The following SLF1 variants were observed in gnomAD, a reference collection of about 807,000 sequenced individuals.
SLF1 encodes the protein SMC5-SMC6 complex localization factor protein 1.
SLF1 carries 105 observed loss-of-function variants against 123.0 expected under a neutral mutation model. The observed-to-expected ratio is 0.85, with a 90% CI of 0.73 to 1.00. The LOEUF (loss-of-function observed/expected upper bound fraction) is 1.00. Among genes scored for constraint, SLF1 ranks in the 50% least tolerant of loss-of-function variants. The probability of loss-of-function intolerance (pLI) is 0.00; values close to 1 mark genes in which losing one functional copy is unlikely to be tolerated. For missense variants in SLF1, 1,239 were observed against 1,223.0 expected (o/e 1.01, Z -0.20); for synonymous variants, 434 against 406.6 (o/e 1.07, Z -0.81).
intron 12 of SLF1, among the ~76,000 whole-genome samples, chr5:94,668,772 G>A (rs1292751179): frequency 1.3e-5 from 2 of 152,170 alleles, no homozygotes; most frequent in Admixed American, 1.3e-4. Flanking sequence ...GGGCCACCAT[G>A]CTCAGCCATA....
In SLF1 at chr5:94,678,690, AC is replaced by A. The variant is rs1751395825; in HGVS notation, c.1828-117del. ...GTTCTTAAGAATACCTTTAATCATTACATACCCTGTATTTTTAAATAGCTAT... is the reference window on the plus strand; with the variant it reads ...GTTCTTAAGAATACCTTTAATCATTAATACCCTGTATTTTTAAATAGCTAT... On this transcript the variant is annotated intron_variant, in intron 14 of 20. Transcript: ENST00000265140. 19 of 856,746 alleles carry A rather than the reference AC, an allele frequency of 2.2e-5. No individual in the cohort carries two copies. In the South Asian group the frequency reaches 3.6e-4, roughly 16 times the overall value. The allele number at this position is 856,746 out of a possible 1,614,324, so 53.1% of individuals were successfully genotyped here. A position where few individuals can be genotyped will look rare whatever the true frequency, so the allele number is the denominator to read the frequency against.
At chr5:94,664,414 C>T (rs1352848020) in intron 11 of SLF1, among the ~76,000 whole-genome samples, 1 of 152,192 alleles carries the variant, frequency 6.6e-6, no homozygotes, top group Non-Finnish European at 1.5e-5. Context: ...CCTGCTTCAG[C>T]CTCCCAAGTA....
chr5:94,675,775 C>A (rs1438836810), intron 14 of SLF1, among the ~76,000 whole-genome samples: 1 of 151,996 alleles, frequency 6.6e-6, no homozygotes, highest in Non-Finnish European at 1.5e-5. Flanking sequence ...CACTGCAAGA[C>A]CTCTTCTGTT....
chr5:94,664,075 A>G (rs1372976837), intron 11 of SLF1, among the ~76,000 whole-genome samples, 167 bp downstream of exon 11: 1 of 151,984 alleles, frequency 6.6e-6, no homozygotes, highest in Non-Finnish European at 1.5e-5. Context: ...TTTTCCAGCT[A>G]CATACTAGGT....
intron 4 of SLF1, among the ~76,000 whole-genome samples, chr5:94,635,647 C>G (rs1428891708): frequency 6.6e-6 from 1 of 151,840 alleles, no homozygotes; most frequent in Non-Finnish European, 1.5e-5. Context: ...ACATTTTATT[C>G]TTAGACTATG....
intron 15 of SLF1, among the ~76,000 whole-genome samples, chr5:94,685,212 T>C (rs181203654): frequency 6.3e-4 from 96 of 152,350 alleles, no homozygotes; most frequent in Admixed American, 4.7e-3. Context: ...ATTCCACCCC[T>C]GAATAGAGAG....
chr5:94,641,832 A>C (rs1746481601), intron 4 of SLF1, among the ~76,000 whole-genome samples: 1 of 152,156 alleles, frequency 6.6e-6, no homozygotes, highest in South Asian at 2.1e-4. Context: ...CTTCCATGGC[A>C]GCTAAATTCT....
chr5:94,631,211 A>C (rs1745160133), intron 4 of SLF1, among the ~76,000 whole-genome samples: 1 of 150,804 alleles, frequency 6.6e-6, no homozygotes, highest in South Asian at 2.1e-4. Flanking sequence ...GACTGCTGTT[A>C]CTTTTTTTTT....
At chr5:94,641,549 C>T (rs927201135) in intron 4 of SLF1, among the ~76,000 whole-genome samples, 1 of 152,138 alleles carries the variant, frequency 6.6e-6, no homozygotes, top group Non-Finnish European at 1.5e-5. Context: ...GCAGTGGGCT[C>T]CAGTTTCTTT....
chr5:94,631,747 T>A (rs776171020), intron 4 of SLF1, among the ~76,000 whole-genome samples: 18 of 152,168 alleles, frequency 1.2e-4, no homozygotes, highest in Non-Finnish European at 2.5e-4. Context: ...TGTTTTCAGT[T>A]CTCTTGGGAA....
At position 94,635,990 on chromosome 5, in the gene SLF1, AACT is replaced by A. The variant is rs556064213; in HGVS notation, c.431+5251_431+5253del. Among the ~76,000 whole-genome samples, 11 of 152,296 alleles carry A rather than the reference AACT, an allele frequency of 7.2e-5. 1 individual carries two copies. The East Asian group carries it at 2.1e-3, about 29-fold the overall frequency. On this transcript the variant is annotated intron_variant, in intron 4 of 20. Transcript: ENST00000265140. ...CTATCAGGCAGCCCTTATCATGATA[AACT>A]ACTTTAGTTTTTGTTTGGGAAATTT... is the stretch of plus-strand genomic sequence containing the variant.
intron 11 of SLF1, 73 bp downstream of exon 11, chr5:94,663,981 G>T: frequency 2.2e-6 from 3 of 1,343,464 alleles, no homozygotes; most frequent in South Asian, 1.7e-5. Flanking sequence ...CTCACTTTTT[G>T]TATGTTTACA....
chr5:94,677,645 A>G (rs1226867111), intron 14 of SLF1, among the ~76,000 whole-genome samples: 1 of 152,106 alleles, frequency 6.6e-6, no homozygotes, highest in Non-Finnish European at 1.5e-5. Flanking sequence ...TTTTTTTCCT[A>G]CATATCCAAC....
At chr5:94,656,256 T>C (rs1253833893) in intron 9 of SLF1, among the ~76,000 whole-genome samples, 1 of 152,032 alleles carries the variant, frequency 6.6e-6, no homozygotes, top group Non-Finnish European at 1.5e-5. Context: ...TTTGTGTATG[T>C]TGAACCATCC....
chr5:94,679,450 C>G (rs1751503712), intron 15 of SLF1, among the ~76,000 whole-genome samples: 1 of 151,804 alleles, frequency 6.6e-6, no homozygotes, highest in Admixed American at 6.6e-5. Context: ...TAAAAATTTG[C>G]TGGACGTGGT....
chr5:94,681,367 G>A (rs186358763), intron 15 of SLF1, among the ~76,000 whole-genome samples: 236 of 152,270 alleles, frequency 1.5e-3, no homozygotes, highest in African/African-American at 5.4e-3. Context: ...CCAGACCTCA[G>A]GTGATCTGCC....
intron 16 of SLF1, 106 bp downstream of exon 16, chr5:94,686,824 G>C: frequency 7.6e-7 from 1 of 1,308,894 alleles, no homozygotes; most frequent in East Asian, 2.6e-5. Context: ...GGCTTGCTCT[G>C]TCGCCCAGGC....
In SLF1 at chr5:94,652,497, T is replaced by G. The variant is rs192072374; in HGVS notation, c.882+652T>G. The stretch of plus-strand genomic sequence containing the variant: ...ATAGTTTATGTTATTTATAGACTTC[T>G]TTTGCTAATGTATATAAAATTTTAT... On this transcript the variant is annotated intron_variant, in intron 7 of 20. Coordinates refer to ENST00000265140, the MANE Select transcript of SLF1 (RefSeq NM_032290.4). Among the ~76,000 whole-genome samples, 12 of 152,382 alleles carry G rather than the reference T, an allele frequency of 7.9e-5. No individual in the cohort carries two copies. In the East Asian group the frequency reaches 2.3e-3, roughly 29 times the overall value.
chr5:94,673,302 C>T (rs1318385183), intron 14 of SLF1, among the ~76,000 whole-genome samples: 1 of 152,110 alleles, frequency 6.6e-6, no homozygotes. Flanking sequence ...AGCACTTCCT[C>T]ATAATTTGTT....
Sources: allele counts gnomAD v4.1 joint callset (sites outside exome capture counted in the v4.1 genomes callset), GRCh38; gene constraint gnomAD v4.1.1; transcripts MANE v1.5; gene names NCBI Gene and HGNC (gene_info 2026-07-23, HGNC 2026-07-21).